The following CHMP3 variants were observed in gnomAD, a reference collection of about 807,000 sequenced individuals.
CHMP3 encodes charged multivesicular body protein 3, also known as 25.1 protein.
CHMP3 carries 8 observed loss-of-function variants against 27.4 expected under a neutral mutation model. That is an observed-to-expected ratio of 0.29 (90% CI 0.17 to 0.53). The LOEUF (loss-of-function observed/expected upper bound fraction) is 0.53. Among genes scored for constraint, CHMP3 ranks in the 20% least tolerant of loss-of-function variants. The pLI is 0.96. For missense variants in CHMP3, 208 were observed against 271.5 expected (o/e 0.77, Z 1.64); for synonymous variants, 86 against 85.5 (o/e 1.01, Z -0.03).
At chr2:86,529,748 T>C (rs1372575314) in intron 2 of CHMP3, among the ~76,000 whole-genome samples, 1 of 152,214 alleles carries the variant, frequency 6.6e-6, no homozygotes, top group Non-Finnish European at 1.5e-5. Context: ...CAGTCACCAA[T>C]CATTTCTAAA....
At chr2:86,547,861 A>G (rs114433710) in intron 1 of CHMP3, among the ~76,000 whole-genome samples, 1,985 of 152,350 alleles carry the variant, frequency 0.013, 19 homozygotes, top group Non-Finnish European at 0.018. Context: ...ATTAGACAAT[A>G]TATTTGAAAA....
intron 3 of CHMP3, among the ~76,000 whole-genome samples, chr2:86,527,956 A>G (rs557630289): frequency 1.3e-5 from 2 of 152,238 alleles, no homozygotes; most frequent in South Asian, 4.1e-4. Context: ...GAAAGACTCT[A>G]TCTCAAAAAA....
chr2:86,532,766 T>G (rs1287742966), intron 2 of CHMP3, among the ~76,000 whole-genome samples: 4 of 152,208 alleles, frequency 2.6e-5, no homozygotes, highest in Non-Finnish European at 5.9e-5. Context: ...GAATCATTCT[T>G]GCATTCCAGG....
Position 86,544,263 on chromosome 2 carries a change from C to T in CHMP3, c.46-1951G>A, listed in dbSNP as rs1573286630. Among the ~76,000 whole-genome samples, 3 of 152,014 alleles carry T rather than the reference C, an allele frequency of 2.0e-5. No homozygotes were observed. In the East Asian group the frequency reaches 5.8e-4, roughly 29 times the overall value. Reference sequence around the variant, plus strand: ...CCATTTCTACCACATCTCACCAATACCTGTTATTTTCTAATTTTTTTATGA... The same window carrying T: ...CCATTTCTACCACATCTCACCAATATCTGTTATTTTCTAATTTTTTTATGA... On this transcript the variant is annotated intron_variant, in intron 1 of 5. Transcript: ENST00000263856.
chr2:86,562,570 G>A (rs1460676941), intron 1 of CHMP3: 1 of 152,212 alleles, frequency 6.6e-6, no homozygotes, highest in Non-Finnish European at 1.5e-5. Flanking sequence ...TGGCTTCACA[G>A]TCGAGAAGGC....
intron 1 of CHMP3, among the ~76,000 whole-genome samples, chr2:86,559,926 G>A (rs917563296): frequency 6.6e-6 from 1 of 152,066 alleles, no homozygotes; most frequent in Non-Finnish European, 1.5e-5. Flanking sequence ...TGTATTAGTC[G>A]GTTCTTACAT....
chr2:86,531,659 G>A (rs984415471), intron 2 of CHMP3, among the ~76,000 whole-genome samples: 10 of 152,136 alleles, frequency 6.6e-5, no homozygotes, highest in African/African-American at 2.4e-4. Context: ...GTTAGGTAAA[G>A]GTCCAACTGA....
intron 2 of CHMP3, among the ~76,000 whole-genome samples, chr2:86,535,147 T>C (rs1676076721): frequency 6.6e-6 from 1 of 151,794 alleles, no homozygotes; most frequent in Non-Finnish European, 1.5e-5. Flanking sequence ...TCCCAGGTAC[T>C]TGGCAGGCTG....
chr2:86,550,357 C>CAGAGGG (rs1459586883), intron 1 of CHMP3, among the ~76,000 whole-genome samples: 1 of 150,590 alleles, frequency 6.6e-6, no homozygotes, highest in African/African-American at 2.5e-5. Flanking sequence ...GCCTCGGCAA[C>CAGAGGG]AGAGGGAGAC....
At chr2:86,553,577 G>A (rs1370364941) in intron 1 of CHMP3, among the ~76,000 whole-genome samples, 4 of 152,068 alleles carry the variant, frequency 2.6e-5, no homozygotes, top group South Asian at 2.1e-4. Context: ...TGTTCCACCC[G>A]CCTCGGCCTC....
chr2:86,509,162 C>T (rs1674996955), intron 4 of CHMP3, among the ~76,000 whole-genome samples: 1 of 152,154 alleles, frequency 6.6e-6, no homozygotes, highest in Admixed American at 6.5e-5. Flanking sequence ...TATTCAGAAA[C>T]CATTATGAAA....
intron 1 of CHMP3, among the ~76,000 whole-genome samples, chr2:86,559,659 A>T (rs1677268626): frequency 6.6e-6 from 1 of 152,198 alleles, no homozygotes; most frequent in Non-Finnish European, 1.5e-5. Flanking sequence ...TTCTTCTAAC[A>T]AACTAAAACA....
chr2:86,531,720 T>C (rs368586149), intron 2 of CHMP3, among the ~76,000 whole-genome samples: 3 of 152,234 alleles, frequency 2.0e-5, no homozygotes, highest in East Asian at 1.9e-4. Flanking sequence ...TGCTGAAAAC[T>C]GTCCTTTCCT....
chr2:86,516,588 C>T (rs1308758482), intron 3 of CHMP3, among the ~76,000 whole-genome samples: 1 of 152,196 alleles, frequency 6.6e-6, no homozygotes. Flanking sequence ...TTTATAGCAG[C>T]TTTATTCATA....
intron 2 of CHMP3, among the ~76,000 whole-genome samples, chr2:86,529,680 G>C (rs111606566): frequency 0.021 from 3,175 of 152,186 alleles, 107 homozygotes; most frequent in African/African-American, 0.073. Context: ...GCATTCCAGA[G>C]CTTGCTCCAA....
chr2:86,538,997 G>A (rs886157295), intron 2 of CHMP3, among the ~76,000 whole-genome samples: 4 of 152,236 alleles, frequency 2.6e-5, no homozygotes, highest in East Asian at 3.9e-4. Flanking sequence ...GCCCCCTTAC[G>A]TTACCTTTAA....
chr2:86,547,051 G>A (rs1676637013), intron 1 of CHMP3, among the ~76,000 whole-genome samples: 1 of 152,134 alleles, frequency 6.6e-6, no homozygotes, highest in Admixed American at 6.5e-5. Flanking sequence ...TTACTTCAGG[G>A]AGACATTCCC....
chr2:86,547,871 A>G (rs577263670), intron 1 of CHMP3, among the ~76,000 whole-genome samples: 2 of 152,222 alleles, frequency 1.3e-5, no homozygotes, highest in Admixed American at 6.5e-5. Flanking sequence ...ATATTTGAAA[A>G]CCACAAGGAA....
At chr2:86,532,095 T>A (rs1675945828) in intron 2 of CHMP3, among the ~76,000 whole-genome samples, 1 of 152,230 alleles carries the variant, frequency 6.6e-6, no homozygotes, top group Non-Finnish European at 1.5e-5. Flanking sequence ...GAAAATGTGA[T>A]GTCTTTCCAT....
Sources: gnomAD v4.1 joint callset for allele counts (sites outside exome capture counted in the v4.1 genomes callset) on GRCh38, gnomAD v4.1.1 for gene constraint, MANE v1.5 for transcripts, NCBI Gene and HGNC (gene_info 2026-07-23, HGNC 2026-07-21) for gene names.